Variants in MDM1 observed in about 807,000 individuals in gnomAD.
MDM1 encodes the protein Mdm1 nuclear protein.
MDM1 carries 61 observed loss-of-function variants against 89.1 expected under a neutral mutation model. The ratio of observed to expected loss-of-function variants is 0.68; its 90% CI spans 0.56 to 0.85. The LOEUF (loss-of-function observed/expected upper bound fraction) is 0.85. MDM1 is among the 40% of genes least tolerant of loss of function. The pLI is 0.00. For missense variants in MDM1, 820 were observed against 846.5 expected, an observed-to-expected ratio of 0.97 and a Z score of 0.39; for synonymous variants, 290 against 294.1, an observed-to-expected ratio of 0.99 and a Z score of 0.14.
At chr12:68,316,450 T>G (rs1874521413) in intron 8 of MDM1, 131 bp downstream of exon 8, 1 of 961,164 alleles carries the variant, frequency 1.0e-6, no homozygotes, top group Non-Finnish European at 1.5e-6. Flanking sequence ...ATGCAGTTAT[T>G]TTATTTCAGA....
At chr12:68,324,368 G>A (rs1455179226) in intron 4 of MDM1, among the ~76,000 whole-genome samples, 2 of 151,992 alleles carry the variant, frequency 1.3e-5, no homozygotes, top group Non-Finnish European at 2.9e-5. Context: ...AAACCTGTAG[G>A]CAAGCAAAAG....
intron 12 of MDM1, among the ~76,000 whole-genome samples, chr12:68,311,937 T>C (rs1433361523): frequency 6.6e-6 from 1 of 152,192 alleles, no homozygotes; most frequent in East Asian, 1.9e-4. Context: ...GCAATTGTCC[T>C]ATCTTACTCA....
chr12:68,321,586 C>T lies in MDM1; in HGVS notation c.844G>A (p.Glu282Lys), dbSNP rs776884130. The change falls in exon 6 of 15, where the codon GAA becomes AAA. Residue 282 changes from glutamate (E) to lysine (K), a missense_variant. By Grantham distance (56) the Glu-to-Lys change is moderately conservative (BLOSUM62 1). Coordinates refer to ENST00000682720, the MANE Select transcript of MDM1 (RefSeq NM_001354969.2). Reference protein sequence around the residue: ...DDRLKLEAEMELKDLHQPKRK... With the variant: ...DDRLKLEAEMKLKDLHQPKRK... The stretch of plus-strand genomic sequence containing the variant: ...TTAGGCTGGTGTAAGTCTTTTAATT[C>T]CATCTCTGCTTCCAATTTTAAACGA... 2.5e-6 allele frequency: 4 copies of T among 1,612,546 alleles called. No homozygotes were observed. The African/African-American group carries it at 4.0e-5, about 16-fold the overall frequency.
rs1424314082 is a variant in MDM1 at position 68,323,230 on chromosome 12, T to C, written c.644A>G (p.Asn215Ser). The C allele has an allele frequency of 1.3e-6, 2 of 1,566,340 alleles. No individual in the cohort carries two copies. The highest frequency in any genetic ancestry group is 8.6e-7 in the Non-Finnish European group (1 of 1,164,048). Residue 215 changes from asparagine (N) to serine (S), a missense_variant, in exon 5 of 15, where the codon AAT becomes AGT. By Grantham distance (46) the Asn-to-Ser change is conservative. Coordinates refer to ENST00000682720, the MANE Select transcript of MDM1 (RefSeq NM_001354969.2). Reference sequence around the variant, plus strand: ...GAATGGTGGAACAAACTGGCTTTTATTGTGGAAAACCTTAAAACAAAAATT... The same window carrying C: ...GAATGGTGGAACAAACTGGCTTTTACTGTGGAAAACCTTAAAACAAAAATT... ...PAFAANQVFH[N>S]KSQFVPPFKG...
intron 13 of MDM1, among the ~76,000 whole-genome samples, chr12:68,298,172 C>T (rs569017703): frequency 6.6e-6 from 1 of 152,238 alleles, no homozygotes; most frequent in South Asian, 2.1e-4. Flanking sequence ...TAACGCTGTG[C>T]CCAGAAAACC....
chr12:68,308,821 G>A (rs984179028), intron 12 of MDM1, among the ~76,000 whole-genome samples: 6 of 152,176 alleles, frequency 3.9e-5, no homozygotes, highest in Non-Finnish European at 8.8e-5. Flanking sequence ...CTTGCTCAGT[G>A]CATGGTACCT....
rs745741202 is a variant in MDM1 at position 68,327,034 on chromosome 12, G to A, written c.134-13C>T. The A allele has an allele frequency of 2.5e-5, 39 of 1,556,174 alleles. 1 individual carries two copies. In the South Asian group the frequency reaches 4.3e-4, roughly 17 times the overall value. On this transcript the variant is annotated splice_polypyrimidine_tract_variant and intron_variant, in intron 2 of 14. Coordinates refer to ENST00000682720, the MANE Select transcript of MDM1 (RefSeq NM_001354969.2). The stretch of plus-strand genomic sequence containing the variant: ...TCTTTCGTGATGCCTACAAAACACG[G>A]TATACAAAAATAGTAGCTACTAAAG...
chr12:68,300,324 G>A (rs902543936), intron 13 of MDM1, among the ~76,000 whole-genome samples: 12 of 152,110 alleles, frequency 7.9e-5, no homozygotes, highest in African/African-American at 2.9e-4. Context: ...GAATAGAACA[G>A]TACCTCACGT....
chr12:68,331,312 AAAAG>A, intron 1 of MDM1, 91 bp from the exon 2 acceptor site: 2 of 794,836 alleles, frequency 2.5e-6, no homozygotes, highest in Non-Finnish European at 4.4e-6. Context: ...TGAACCTCCC[AAAAG>A]AGACTTAAGA....
rs750424326 is a variant in MDM1, at chr12:68,313,392, C to T, written c.1749+51G>A. The T allele has an allele frequency of 4.8e-6, 6 of 1,251,068 alleles. No individual in the cohort carries two copies. The African/African-American group carries it at 7.4e-5, about 15-fold the overall frequency. 77.5% of individuals were successfully genotyped at this position (1,251,068 alleles called of 1,614,324 possible). On this transcript the variant is annotated intron_variant, in intron 12 of 14. Coordinates refer to ENST00000682720, the MANE Select transcript of MDM1 (RefSeq NM_001354969.2). ...CCCATCATTCATTTATTACATGTGT[C>T]TACAATAATTAGTCCTAGATGAGAT...
At chr12:68,329,104 T>C (rs1366562382) in intron 2 of MDM1, among the ~76,000 whole-genome samples, 1 of 152,186 alleles carries the variant, frequency 6.6e-6, no homozygotes, top group Non-Finnish European at 1.5e-5. Flanking sequence ...GGGTGGGATA[T>C]CTATGCTTAA....
chr12:68,296,858 TG>T (rs1871462690), intron 14 of MDM1, 64 bp downstream of exon 14: 3 of 1,104,386 alleles, frequency 2.7e-6, no homozygotes, highest in Non-Finnish European at 3.8e-6. Context: ...GCTAATCAAA[TG>T]TAAAGCCATT....
intron 13 of MDM1, among the ~76,000 whole-genome samples, chr12:68,300,017 AT>A (rs989340210): frequency 2.0e-5 from 3 of 152,242 alleles, no homozygotes; most frequent in Non-Finnish European, 2.9e-5. Context: ...GGCAGAAGGC[AT>A]TGGGGTCCTA....
chr12:68,314,136 C>CAAAAA, intron 10 of MDM1, among the ~76,000 whole-genome samples: 1 of 87,566 alleles, frequency 1.1e-5, no homozygotes, highest in Non-Finnish European at 2.2e-5. Flanking sequence ...AACTCCGTCT[C>CAAAAA]AAAAAAAAAA....
At chr12:68,327,550 A>G in intron 2 of MDM1, 6 of 1,506,340 alleles carry the variant, frequency 4.0e-6, no homozygotes, top group Non-Finnish European at 5.4e-6. Flanking sequence ...AACAACAGCT[A>G]AGATACAATT....
At chr12:68,316,640 T>A in intron 7 of MDM1, 30 bp from the exon 8 acceptor site, 1 of 1,506,176 alleles carries the variant, frequency 6.6e-7, no homozygotes, top group Non-Finnish European at 8.9e-7. Flanking sequence ...ACACACTTAA[T>A]GATAGGTTAA....
intron 4 of MDM1, 187 bp from the exon 5 acceptor site, chr12:68,323,427 T>C: frequency 2.1e-6 from 1 of 471,312 alleles, no homozygotes; most frequent in Non-Finnish European, 3.7e-6. Context: ...CATTACTATG[T>C]TTTGAATAAC....
chr12:68,315,761 T>C (rs1874403410), intron 9 of MDM1, among the ~76,000 whole-genome samples: 1 of 152,366 alleles, frequency 6.6e-6, no homozygotes, highest in Middle Eastern at 3.4e-3. Flanking sequence ...TACTTTTTTA[T>C]TGTTGTTGAC....
rs569181913 is a variant in MDM1, at chr12:68,331,193, AG to A, written c.46del (p.Leu16CysfsTer29). On this transcript the variant is annotated frameshift_variant, in exon 2 of 15. Transcript: ENST00000682720. LOFTEE classifies it high-confidence loss of function. ...KGLSEYQRNFLWKKSYLSESC... is the reference protein window; with the variant it reads ...KGLSEYQRNFXWKKSYLSESC... ...CTCGGACAAATAAGACTTTTTCCAC[AG>A]GAAGTTCCTCTGGTATTCACTCAGC... 5.6e-6 allele frequency: 9 copies of A among 1,608,782 alleles called. No individual in the cohort carries two copies. The highest frequency in any genetic ancestry group is 2.2e-5 in the East Asian group (1 of 44,886).
Sources: allele counts gnomAD v4.1 joint callset (sites outside exome capture counted in the v4.1 genomes callset), GRCh38; gene constraint gnomAD v4.1.1; transcripts MANE v1.5; gene names NCBI Gene and HGNC (gene_info 2026-07-23, HGNC 2026-07-21).